SLC41A2: variants seen among roughly 807,000 people sequenced by gnomAD.
SLC41A2 encodes SLC41A1-like 1.
In SLC41A2, 32 loss-of-function variants were observed where a neutral mutation model predicts 58.3. The ratio of observed to expected loss-of-function variants is 0.55; its 90% CI spans 0.41 to 0.74. The LOEUF (loss-of-function observed/expected upper bound fraction) is 0.74, where lower values mean the gene tolerates loss of function less well. Among genes scored for constraint, SLC41A2 ranks in the 30% least tolerant of loss-of-function variants. The pLI is 0.00. For synonymous variants in SLC41A2, 190 were observed against 235.0 expected, an observed-to-expected ratio of 0.81 and a Z score of 1.75; for missense variants, 514 against 680.6, an observed-to-expected ratio of 0.76 and a Z score of 2.72.
intron 4 of SLC41A2, among the ~76,000 whole-genome samples, chr12:104,889,615 C>T (rs1159217428): frequency 6.6e-6 from 1 of 152,142 alleles, no homozygotes; most frequent in Non-Finnish European, 1.5e-5. Context: ...ATTATTTAAA[C>T]TCATTCATTC....
chr12:104,951,372 T>G (rs1458588334), intron 1 of SLC41A2: 3 of 152,206 alleles, frequency 2.0e-5, no homozygotes, highest in Non-Finnish European at 2.9e-5. Context: ...TTAGCAAAAT[T>G]TGATTTTGGC....
chr12:104,819,935 G>C (rs2041561233), intron 10 of SLC41A2, among the ~76,000 whole-genome samples: 1 of 152,204 alleles, frequency 6.6e-6, no homozygotes, highest in Admixed American at 6.5e-5. Flanking sequence ...ACAGCCTCAA[G>C]GTCTGGGAAT....
rs148805190 is a variant in SLC41A2 at position 104,806,127 on chromosome 12, G to A, written c.1537-790C>T. The stretch of plus-strand genomic sequence containing the variant: ...TGTGCACAACGTGCAGGTTTGTTAC[G>A]TATGTATACATGTGCCATGTTGGTG... On this transcript the variant is annotated intron_variant, in intron 10 of 10. Transcript: ENST00000258538. 3.6e-3 allele frequency among the ~76,000 whole-genome samples: 542 copies of A among 151,528 alleles called. 6 individuals carry two copies. The highest frequency in any genetic ancestry group is 0.012 in the African/African-American group (495 of 41,222).
rs183897360 is a variant in SLC41A2 at position 104,821,140 on chromosome 12, T to C, written c.1537-15803A>G. Among the ~76,000 whole-genome samples, 188 of 152,348 alleles carry C rather than the reference T, an allele frequency of 1.2e-3. 2 individuals are homozygous for C. Among genetic ancestry groups the C allele is most frequent in the African/African-American group, 4.5e-3 (186 of 41,580 alleles). Reference sequence around the variant, plus strand: ...GTATTTCTTGAAATGTAATTTTATATCTGTTGAATCTAATAATTTAAAAAT... The same window carrying C: ...GTATTTCTTGAAATGTAATTTTATACCTGTTGAATCTAATAATTTAAAAAT... On this transcript the variant is annotated intron_variant, in intron 10 of 10. Transcript: ENST00000258538.
At chr12:104,859,017 G>A (rs1203492670) in intron 8 of SLC41A2, among the ~76,000 whole-genome samples, 1 of 152,172 alleles carries the variant, frequency 6.6e-6, no homozygotes, top group African/African-American at 2.4e-5. Context: ...GTCATTATGA[G>A]TAATGTTTAT....
chr12:104,938,673 G>A (rs74714182), intron 1 of SLC41A2, among the ~76,000 whole-genome samples: 5,832 of 152,268 alleles, frequency 0.038, 156 homozygotes, highest in East Asian at 0.1. Flanking sequence ...CCACCCCACA[G>A]CAATCAACAG....
At position 104,926,869 on chromosome 12, in the gene SLC41A2, T is replaced by C. The variant is rs149044313; in HGVS notation, c.555+1104A>G. Among the ~76,000 whole-genome samples, 1,082 of 152,250 alleles carry C rather than the reference T, an allele frequency of 7.1e-3. 11 individuals carry two copies. Among genetic ancestry groups the C allele is most frequent in the African/African-American group, 0.024 (992 of 41,534 alleles). On this transcript the variant is annotated intron_variant, in intron 2 of 10. Transcript: ENST00000258538. ...GAAAGGCCAAGGTGGGAGGATTGCT[T>C]GAGCCCAGGAGTTTGAGACCCGCCT... is the stretch of plus-strand genomic sequence containing the variant.
chr12:104,949,844 A>G (rs527731844), intron 1 of SLC41A2, among the ~76,000 whole-genome samples: 32 of 152,288 alleles, frequency 2.1e-4, no homozygotes, highest in African/African-American at 7.0e-4. Context: ...CAGCCTCCCA[A>G]AGTACTGGGA....
At chr12:104,895,453 C>A in intron 3 of SLC41A2, 108 bp from the exon 4 acceptor site, 1 of 729,846 alleles carries the variant, frequency 1.4e-6, no homozygotes. Context: ...TTCAGTAAAT[C>A]CAATGAGCTC....
chr12:104,806,721 G>C (rs1443996212), intron 10 of SLC41A2, among the ~76,000 whole-genome samples: 9 of 151,562 alleles, frequency 5.9e-5, no homozygotes, highest in East Asian at 1.9e-4. Context: ...TCCTCTCCAG[G>C]ACCTGTTGTT....
At chr12:104,940,934 CAAAAA>C (rs386377636) in intron 1 of SLC41A2, among the ~76,000 whole-genome samples, 3 of 95,540 alleles carry the variant, frequency 3.1e-5, no homozygotes, top group Admixed American at 1.2e-4. Context: ...GACTCTGCCT[CAAAAA>C]AAAAAAAAAA....
intron 1 of SLC41A2, among the ~76,000 whole-genome samples, chr12:104,941,648 A>G (rs1016746574): frequency 1.3e-5 from 2 of 152,250 alleles, no homozygotes; most frequent in African/African-American, 4.8e-5. Flanking sequence ...TATGTGTCCA[A>G]AGAACTAAGT....
At chr12:104,850,024 G>A (rs192903299) in intron 8 of SLC41A2, among the ~76,000 whole-genome samples, 87 of 152,192 alleles carry the variant, frequency 5.7e-4, no homozygotes, top group African/African-American at 1.7e-3. Flanking sequence ...AAATCATACC[G>A]AATACACTGG....
chr12:104,877,140 A>C (rs1000812600), intron 6 of SLC41A2, among the ~76,000 whole-genome samples: 25 of 152,330 alleles, frequency 1.6e-4, no homozygotes, highest in Admixed American at 1.2e-3. Context: ...TGTTTTCAAA[A>C]TAGTTCAGGA....
intron 10 of SLC41A2, among the ~76,000 whole-genome samples, chr12:104,832,481 G>C (rs901250050): frequency 3.3e-5 from 5 of 152,152 alleles, no homozygotes; most frequent in Admixed American, 3.3e-4. Context: ...CAACAGGACA[G>C]TCAATTGGAC....
At chr12:104,840,622 C>A (rs148025541) in intron 10 of SLC41A2, among the ~76,000 whole-genome samples, 1 of 152,306 alleles carries the variant, frequency 6.6e-6, no homozygotes, top group Non-Finnish European at 1.5e-5. Flanking sequence ...ACTCTGATTG[C>A]TCTTGGGGAC....
chr12:104,939,642 G>A (rs773162000), intron 1 of SLC41A2, among the ~76,000 whole-genome samples: 1 of 152,210 alleles, frequency 6.6e-6, no homozygotes, highest in Non-Finnish European at 1.5e-5. Flanking sequence ...AAATAACAAT[G>A]CTTAGGAAAT....
At position 104,957,342 on chromosome 12, in the gene SLC41A2, A is replaced by C. The variant is rs145930698; in HGVS notation, c.-168+746T>G. 2.0e-4 allele frequency among the ~76,000 whole-genome samples: 30 copies of C among 152,344 alleles called. No individual in the cohort carries two copies. In the East Asian group the frequency reaches 5.0e-3, roughly 25 times the overall value. ...CAACAGGCAAACCCATATAAACAGA[A>C]AGTAGATTAGTGGTGGCTAGTGGGG... On this transcript the variant is annotated intron_variant, in intron 1 of 10. Transcript: ENST00000258538.
intron 6 of SLC41A2, among the ~76,000 whole-genome samples, chr12:104,871,728 T>C (rs981063882): frequency 1.1e-4 from 17 of 152,226 alleles, no homozygotes; most frequent in African/African-American, 2.4e-5. Flanking sequence ...ATCACGTTAA[T>C]TGGAGTGCTT....
Sources: allele counts gnomAD v4.1 joint callset (sites outside exome capture counted in the v4.1 genomes callset), GRCh38; gene constraint gnomAD v4.1.1; transcripts MANE v1.5; gene names NCBI Gene and HGNC (gene_info 2026-07-23, HGNC 2026-07-21).